Variants in AGPAT4 observed in about 807,000 individuals in gnomAD.
The protein encoded by AGPAT4 is 1-acyl-sn-glycerol-3-phosphate acyltransferase delta.
In AGPAT4, 15 loss-of-function variants were observed where a neutral mutation model predicts 48.0. The observed-to-expected ratio is 0.31, with a 90% CI of 0.21 to 0.48. The LOEUF is 0.48. Ranked by LOEUF, AGPAT4 falls within the 20% of genes least tolerant of loss-of-function variation. The pLI is 0.99. For synonymous variants in AGPAT4, 178 were observed against 198.7 expected, an observed-to-expected ratio of 0.90 and a Z score of 0.88; for missense variants, 314 against 482.5, an observed-to-expected ratio of 0.65 and a Z score of 3.27.
chr6:161,252,565 T>C (rs562979172), intron 1 of AGPAT4, among the ~76,000 whole-genome samples: 131 of 152,336 alleles, frequency 8.6e-4, no homozygotes, highest in Middle Eastern at 3.4e-3. Context: ...AGCTCACGCC[T>C]ATAGTCCCAG....
chr6:161,210,833 T>G (rs1482564600), intron 2 of AGPAT4, among the ~76,000 whole-genome samples: 1 of 152,228 alleles, frequency 6.6e-6, no homozygotes, highest in African/African-American at 2.4e-5. Context: ...TCTTTTCTTG[T>G]GTACTCTTTA....
At position 161,221,484 on chromosome 6, in the gene AGPAT4, G is replaced by GGGAGA. The variant is rs1357449481; in HGVS notation, c.178+10547_178+10551dup. Among the ~76,000 whole-genome samples, 1 of 152,176 alleles carries GGGAGA rather than the reference G, an allele frequency of 6.6e-6. No individual in the cohort carries two copies. The highest frequency in any genetic ancestry group is 1.5e-5 in the Non-Finnish European group (1 of 68,034). On this transcript the variant is annotated intron_variant, in intron 2 of 8. Transcript: ENST00000320285. This position sits in a 1 kb window ranked among gnomAD's most constrained non-coding sequence, Gnocchi z 4.5. ...GTGGGAGAGATAGAAAGGAGAAAAA[G>GGGAGA]GGAGAGGAGAGAGAAATAGATACCA...
rs906190348 is a variant in AGPAT4, at chr6:161,164,576, G to A, written c.348+1672C>T. On this transcript the variant is annotated intron_variant, in intron 3 of 8. Coordinates refer to ENST00000320285, the MANE Select transcript of AGPAT4 (RefSeq NM_020133.3). The surrounding 1 kb of genome is among the most constrained non-coding windows in gnomAD (Gnocchi z 7.4). ...TGCCCCCAACATCTTCCAGGGGAAA[G>A]AGCAGAAGCTTTGAAAGCAGACTTA... Among the ~76,000 whole-genome samples, 2 of 152,224 alleles carry A rather than the reference G, an allele frequency of 1.3e-5. No homozygotes were observed. The highest frequency in any genetic ancestry group is 4.8e-5 in the African/African-American group (2 of 41,460).
chr6:161,155,145 G>A lies in AGPAT4; in HGVS notation c.349-835C>T, dbSNP rs182360247. 3.5e-3 allele frequency among the ~76,000 whole-genome samples: 540 copies of A among 152,318 alleles called. 11 individuals are homozygous for A. The highest frequency in any genetic ancestry group is 0.035 in the Admixed American group (529 of 15,302). On this transcript the variant is annotated intron_variant, in intron 3 of 8. Coordinates refer to ENST00000320285, the MANE Select transcript of AGPAT4 (RefSeq NM_020133.3). This position sits in a 1 kb window ranked among gnomAD's most constrained non-coding sequence, Gnocchi z 5.8. ...GTCCCCTCTGGGGAGTCTCAGGGCA[G>A]TCCTGGGTCCCCAGGGCTCGGTGTG...
chr6:161,213,878 A>G (rs990587147), intron 2 of AGPAT4, among the ~76,000 whole-genome samples: 1 of 152,170 alleles, frequency 6.6e-6, no homozygotes, highest in Admixed American at 6.5e-5. Flanking sequence ...ACAGAGACTC[A>G]TCTTCTTCTA....
At chr6:161,265,550 C>T (rs561957468) in intron 1 of AGPAT4, among the ~76,000 whole-genome samples, 7 of 152,308 alleles carry the variant, frequency 4.6e-5, no homozygotes, top group African/African-American at 1.2e-4. Context: ...ACTGCAGGGG[C>T]GCAGCACTCA....
rs1778866180 is a variant in AGPAT4, at chr6:161,130,493, T to C, written c.*6047A>G. 1 of 162,552 alleles carries C rather than the reference T, an allele frequency of 6.2e-6. No individual in the cohort carries two copies. The highest frequency in any genetic ancestry group is 1.8e-4 in the South Asian group (1 of 5,564). 10.1% of individuals were successfully genotyped at this position (162,552 alleles called of 1,614,324 possible). A position where few individuals can be genotyped will look rare whatever the true frequency, so the allele number is the denominator to read the frequency against. Reference sequence around the variant, plus strand: ...TGTTTCCTCAAAGATCATCCCTTAGTGGGTCACAGTAATCATGAACCCTGG... The same window carrying C: ...TGTTTCCTCAAAGATCATCCCTTAGCGGGTCACAGTAATCATGAACCCTGG... On this transcript the variant is annotated 3_prime_UTR_variant, in exon 9 of 9. Coordinates refer to ENST00000320285, the MANE Select transcript of AGPAT4 (RefSeq NM_020133.3).
chr6:161,210,154 C>T (rs1281521398), intron 2 of AGPAT4, among the ~76,000 whole-genome samples: 1 of 152,134 alleles, frequency 6.6e-6, no homozygotes, highest in Non-Finnish European at 1.5e-5. Context: ...TAGGAAGTCC[C>T]TATCTAAATA....
intron 3 of AGPAT4, among the ~76,000 whole-genome samples, chr6:161,156,846 G>A (rs767630655): frequency 6.6e-6 from 1 of 152,252 alleles, no homozygotes; most frequent in African/African-American, 2.4e-5. Context: ...ACAATAGCAT[G>A]AGCAATCTGT....
At chr6:161,230,721 G>T (rs958718038) in intron 2 of AGPAT4, among the ~76,000 whole-genome samples, 5 of 152,184 alleles carry the variant, frequency 3.3e-5, no homozygotes, top group Non-Finnish European at 7.3e-5. Context: ...TGAATTGGTG[G>T]TTGTACCCAA....
chr6:161,189,674 A>T lies in AGPAT4; in HGVS notation c.179-23257T>A, dbSNP rs1490548016. 6.6e-6 allele frequency among the ~76,000 whole-genome samples: 1 copy of T among 151,844 alleles called. No homozygotes were observed. The highest frequency in any genetic ancestry group is 6.6e-5 in the Admixed American group (1 of 15,246). On this transcript the variant is annotated intron_variant, in intron 2 of 8. Coordinates refer to ENST00000320285, the MANE Select transcript of AGPAT4 (RefSeq NM_020133.3). This position sits in a 1 kb window ranked among gnomAD's most constrained non-coding sequence, Gnocchi z 5.3. ...CAGCTGCACATCCGTGGGCTCCTCCATCAGTCTCTGGCCCCCTCTTCCACC... is the reference window on the plus strand; with the variant it reads ...CAGCTGCACATCCGTGGGCTCCTCCTTCAGTCTCTGGCCCCCTCTTCCACC...
intron 1 of AGPAT4, among the ~76,000 whole-genome samples, chr6:161,265,621 C>T (rs1430560239): frequency 6.6e-6 from 1 of 152,180 alleles, no homozygotes; most frequent in Non-Finnish European, 1.5e-5. Flanking sequence ...GTGAGTGCCT[C>T]TCTCAATTTG....
chr6:161,228,619 T>C (rs796794201), intron 2 of AGPAT4, among the ~76,000 whole-genome samples: 3 of 135,472 alleles, frequency 2.2e-5, no homozygotes, highest in African/African-American at 8.6e-5. Context: ...TAGATTCTCC[T>C]AATCTTTCTG....
intron 1 of AGPAT4, among the ~76,000 whole-genome samples, chr6:161,250,458 C>G (rs1163663998): frequency 3.3e-5 from 5 of 152,032 alleles, no homozygotes; most frequent in Admixed American, 6.6e-5. Context: ...ATATAAATAT[C>G]CTTCTCATAA....
intron 1 of AGPAT4, among the ~76,000 whole-genome samples, chr6:161,239,610 C>G (rs1168207436): frequency 6.6e-6 from 1 of 152,192 alleles, no homozygotes; most frequent in Non-Finnish European, 1.5e-5. Context: ...AATGCTCCTG[C>G]CCACTTTAGC....
intron 2 of AGPAT4, among the ~76,000 whole-genome samples, chr6:161,227,549 G>A (rs1348394010): frequency 4.6e-5 from 7 of 152,142 alleles, no homozygotes; most frequent in Non-Finnish European, 8.8e-5. Context: ...CCAGCAACTC[G>A]GAGCTCCCAA....
intron 4 of AGPAT4, 63 bp from the exon 5 acceptor site, chr6:161,153,562 C>A: frequency 6.3e-7 from 1 of 1,580,544 alleles, no homozygotes; most frequent in Non-Finnish European, 8.6e-7. Flanking sequence ...TGGGGTCATG[C>A]ATGGCCCTGG....
chr6:161,232,292 C>A lies in AGPAT4; in HGVS notation c.-79G>T. 7.2e-7 allele frequency: 1 copy of A among 1,391,980 alleles called. No homozygotes were observed. Among genetic ancestry groups the A allele is most frequent in the East Asian group, 2.4e-5 (1 of 42,070 alleles). The allele number at this position is 1,391,980 out of a possible 1,614,324, so 86.2% of individuals were successfully genotyped here. On this transcript the variant is annotated 5_prime_UTR_variant, in exon 2 of 9. The change creates a premature stop within an existing upstream ORF in the 5' untranslated region. Coordinates refer to ENST00000320285, the MANE Select transcript of AGPAT4 (RefSeq NM_020133.3). This position sits in a 1 kb window ranked among gnomAD's most constrained non-coding sequence, Gnocchi z 6.8. ...CCAGAAGGAAGAAAGATCCAGGACT[C>A]AGGAAGGCGTCTAAAACACAAACAA...
chr6:161,182,905 T>C (rs1417793147), intron 2 of AGPAT4, among the ~76,000 whole-genome samples: 1 of 151,890 alleles, frequency 6.6e-6, no homozygotes, highest in Non-Finnish European at 1.5e-5. Context: ...CACCCCATGG[T>C]GGAAAAAAGC....
Sources: gnomAD v4.1 joint callset for allele counts (sites outside exome capture counted in the v4.1 genomes callset) on GRCh38, gnomAD v4.1.1 for gene constraint, Gnocchi (gnomAD v3.1) non-coding constraint, MANE v1.5 for transcripts, NCBI Gene and HGNC (gene_info 2026-07-23, HGNC 2026-07-21) for gene names.